BICC1: variants seen among roughly 807,000 people sequenced by gnomAD.
BICC1 encodes the protein protein bicaudal C homolog 1.
In BICC1, 43 loss-of-function variants were observed where a neutral mutation model predicts 111.0. The ratio of observed to expected loss-of-function variants is 0.39; its 90% CI spans 0.30 to 0.50. BICC1 has a LOEUF of 0.50. Ranked by LOEUF, BICC1 falls within the 20% of genes least tolerant of loss-of-function variation. The pLI is 0.88. For missense variants in BICC1, 1,091 were observed against 1,203.2 expected (o/e 0.91, Z 1.38); for synonymous variants, 467 against 434.4 (o/e 1.07, Z -0.93).
At chr10:58,732,213 A>G (rs1841320657) in intron 3 of BICC1, among the ~76,000 whole-genome samples, 1 of 148,896 alleles carries the variant, frequency 6.7e-6, no homozygotes. Context: ...TAATTTTAGT[A>G]TTGTTCTTTC....
At chr10:58,726,552 A>C (rs920057559) in intron 3 of BICC1, among the ~76,000 whole-genome samples, 2 of 152,216 alleles carry the variant, frequency 1.3e-5, no homozygotes. Flanking sequence ...TGTATACTCA[A>C]GTATCACATG....
chr10:58,584,801 TAG>T (rs1338339926), intron 1 of BICC1, among the ~76,000 whole-genome samples: 1 of 152,098 alleles, frequency 6.6e-6, no homozygotes, highest in Admixed American at 6.6e-5. Context: ...TTTTTTTTCT[TAG>T]CACAATGACA....
intron 20 of BICC1, among the ~76,000 whole-genome samples, chr10:58,824,530 T>C (rs1844340588): frequency 6.6e-6 from 1 of 152,142 alleles, no homozygotes; most frequent in Non-Finnish European, 1.5e-5. Flanking sequence ...CTCCAGAACT[T>C]GGCCATAGGA....
chr10:58,766,634 G>A (rs1459976407), intron 3 of BICC1, among the ~76,000 whole-genome samples: 2 of 152,110 alleles, frequency 1.3e-5, no homozygotes, highest in East Asian at 3.9e-4. Context: ...GAGTACCTTT[G>A]TGGGAGTCTG....
chr10:58,588,280 C>CAA (rs979665900), intron 1 of BICC1, among the ~76,000 whole-genome samples: 8 of 152,142 alleles, frequency 5.3e-5, no homozygotes, highest in African/African-American at 1.7e-4. Context: ...ATTTATTTGA[C>CAA]AAACACATTT....
chr10:58,589,803 A>AT (rs967239761), intron 1 of BICC1, among the ~76,000 whole-genome samples: 49 of 151,564 alleles, frequency 3.2e-4, no homozygotes, highest in African/African-American at 1.1e-3. Context: ...TATTATTATT[A>AT]TTTTTTTTAG....
chr10:58,614,185 C>A (rs1212964079), intron 1 of BICC1, among the ~76,000 whole-genome samples: 1 of 152,138 alleles, frequency 6.6e-6, no homozygotes, highest in Non-Finnish European at 1.5e-5. Context: ...AAATGTCACT[C>A]TCTTAATAGG....
At chr10:58,580,005 C>G (rs1421748814) in intron 1 of BICC1, among the ~76,000 whole-genome samples, 1 of 148,414 alleles carries the variant, frequency 6.7e-6, no homozygotes, top group East Asian at 2.0e-4. Flanking sequence ...GAACACTTAA[C>G]AAGAAAGCTG....
Position 58,645,152 on chromosome 10 carries a change from G to GT in BICC1, c.237+24252dup, listed in dbSNP as rs1345977094. ...TGGCCAGGCGCGGTGGCTCACGCCT[G>GT]TAATCCCAGCACTTTGGGAGACCGA... On this transcript the variant is annotated intron_variant, in intron 2 of 20. Transcript: ENST00000373886. Among the ~76,000 whole-genome samples the GT allele has an allele frequency of 8.5e-5, 13 of 152,220 alleles. No individual in the cohort carries two copies. The East Asian group carries it at 2.5e-3, about 29-fold the overall frequency.
intron 2 of BICC1, among the ~76,000 whole-genome samples, chr10:58,676,364 A>G (rs929943457): frequency 7.2e-5 from 11 of 152,188 alleles, no homozygotes; most frequent in Non-Finnish European, 1.5e-4. Flanking sequence ...CAACAAGCTA[A>G]GATCTACTGG....
intron 3 of BICC1, among the ~76,000 whole-genome samples, chr10:58,713,010 A>G (rs905098789): frequency 1.3e-5 from 2 of 152,230 alleles, no homozygotes; most frequent in Non-Finnish European, 2.9e-5. Flanking sequence ...AAAATATACT[A>G]TATGCAAAGA....
At chr10:58,712,865 A>G (rs971817471) in intron 3 of BICC1, among the ~76,000 whole-genome samples, 2 of 152,188 alleles carry the variant, frequency 1.3e-5, no homozygotes, top group African/African-American at 4.8e-5. Context: ...GTGCCTGCGT[A>G]TAGAAAGCAG....
chr10:58,601,209 T>C (rs1385902722), intron 1 of BICC1, among the ~76,000 whole-genome samples: 1 of 140,170 alleles, frequency 7.1e-6, no homozygotes, highest in Non-Finnish European at 1.5e-5. Context: ...AAATTTAATA[T>C]AATCATACTC....
At chr10:58,746,944 G>A (rs1841852344) in intron 3 of BICC1, among the ~76,000 whole-genome samples, 1 of 152,094 alleles carries the variant, frequency 6.6e-6, no homozygotes, top group South Asian at 2.1e-4. Context: ...GTACTTCAGA[G>A]GGTCACTTTC....
chr10:58,552,567 C>T (rs1374256256), intron 1 of BICC1, among the ~76,000 whole-genome samples: 1 of 152,106 alleles, frequency 6.6e-6, no homozygotes, highest in Non-Finnish European at 1.5e-5. Flanking sequence ...CATCTCCTGA[C>T]CTTGTGATCC....
At chr10:58,632,741 C>G (rs1435552613) in intron 2 of BICC1, among the ~76,000 whole-genome samples, 1 of 152,004 alleles carries the variant, frequency 6.6e-6, no homozygotes, top group Non-Finnish European at 1.5e-5. Context: ...ATAGGCATTT[C>G]CAGCAGAAAG....
chr10:58,811,285 G>A (rs1178140464), intron 17 of BICC1, among the ~76,000 whole-genome samples: 2 of 152,180 alleles, frequency 1.3e-5, no homozygotes, highest in Non-Finnish European at 2.9e-5. Flanking sequence ...TTAAAAGCAT[G>A]AGTAATGGTC....
At chr10:58,513,672 C>T (rs1004640288) in intron 1 of BICC1, among the ~76,000 whole-genome samples, 1 of 152,252 alleles carries the variant, frequency 6.6e-6, no homozygotes, top group Non-Finnish European at 1.5e-5. Flanking sequence ...GCCATCCGGA[C>T]CACTCGGGCC....
chr10:58,797,120 T>G (rs1589148281), intron 10 of BICC1, among the ~76,000 whole-genome samples: 1 of 152,318 alleles, frequency 6.6e-6, no homozygotes, highest in East Asian at 1.9e-4. Flanking sequence ...ATGAGCTGTT[T>G]AATAGTCATG....
Sources: gnomAD v4.1 joint callset for allele counts (sites outside exome capture counted in the v4.1 genomes callset) on GRCh38, gnomAD v4.1.1 for gene constraint, MANE v1.5 for transcripts, NCBI Gene and HGNC (gene_info 2026-07-23, HGNC 2026-07-21) for gene names.